Variants in GABRB1 observed in about 807,000 individuals in gnomAD.
The protein encoded by GABRB1 is gamma-aminobutyric acid type A receptor subunit beta1.
In GABRB1, 17 loss-of-function variants were observed where a neutral mutation model predicts 51.6. The observed-to-expected ratio is 0.33, with a 90% CI of 0.23 to 0.49. The LOEUF (loss-of-function observed/expected upper bound fraction) is 0.49. GABRB1 is among the 20% of genes least tolerant of loss of function. The pLI, the probability that GABRB1 is intolerant of heterozygous loss-of-function variation, is 0.99. For synonymous variants in GABRB1, 247 were observed against 218.9 expected, an observed-to-expected ratio of 1.13 and a Z score of -1.14; for missense variants, 410 against 600.6, an observed-to-expected ratio of 0.68 and a Z score of 3.32.
At chr4:47,109,850 C>T (rs1417247236) in intron 3 of GABRB1, among the ~76,000 whole-genome samples, 1 of 151,848 alleles carries the variant, frequency 6.6e-6, no homozygotes, top group African/African-American at 2.4e-5. Flanking sequence ...AGAATTAAAC[C>T]AGAACTTTAG....
At chr4:47,044,450 A>G (rs762453494) in intron 3 of GABRB1, among the ~76,000 whole-genome samples, 11 of 151,988 alleles carry the variant, frequency 7.2e-5, no homozygotes, top group Non-Finnish European at 1.6e-4. Context: ...TTGTATCCTA[A>G]TTTATACTCT....
chr4:47,140,625 A>G (rs938692748), intron 3 of GABRB1, among the ~76,000 whole-genome samples: 14 of 152,114 alleles, frequency 9.2e-5, no homozygotes, highest in Admixed American at 5.3e-4. Context: ...ACTTAGCTCC[A>G]ACATTCCATA....
upstream of GABRB1, among the ~76,000 whole-genome samples, chr4:47,028,731 T>C (rs1010787346): frequency 1.3e-5 from 2 of 150,682 alleles, no homozygotes; most frequent in Non-Finnish European, 3.0e-5. Flanking sequence ...TATGTGTATA[T>C]ATATACATAC....
chr4:47,022,045 C>T (rs1390103240), intron 1 of GABRB1, among the ~76,000 whole-genome samples: 1 of 152,046 alleles, frequency 6.6e-6, no homozygotes, highest in Non-Finnish European at 1.5e-5. Flanking sequence ...TCCTCTAACT[C>T]ATAATTAGTT....
At chr4:47,278,671 T>C (rs1295560020) in intron 4 of GABRB1, among the ~76,000 whole-genome samples, 3 of 152,154 alleles carry the variant, frequency 2.0e-5, no homozygotes, top group African/African-American at 7.2e-5. Context: ...CTGCTGATCA[T>C]ACGTTTCCAT....
intron 3 of GABRB1, among the ~76,000 whole-genome samples, chr4:47,050,298 T>C (rs926722581): frequency 7.2e-5 from 11 of 152,144 alleles, no homozygotes; most frequent in Admixed American, 2.0e-4. Context: ...ATATATAATT[T>C]CAGAGTGACT....
At position 47,406,893 on chromosome 4, in the gene GABRB1, T is replaced by G. The variant is rs1490764563; in HGVS notation, c.1047T>G (p.Asn349Lys). The change falls in exon 8 of 9, where the codon AAT (asparagine) becomes AAG (lysine). Residue 349 changes from asparagine to lysine, a missense_variant. Around this residue, in one of 5 missense-constraint regions of GABRB1, gnomAD observed 181 missense variants for 195.6 expected, o/e 0.93. Coordinates refer to ENST00000295454, the MANE Select transcript of GABRB1 (RefSeq NM_000812.4). ...CTAGCAAACAAGACCAGAGTGCCAA[T>G]GAGAAGAATAAACTGGAGATGAATA... ...KGASKQDQSA[N>K]EKNKLEMNKV... The G allele has an allele frequency of 6.2e-7, 1 of 1,614,022 alleles. No homozygotes were observed. Among genetic ancestry groups the G allele is most frequent in the Admixed American group, 1.7e-5 (1 of 60,016 alleles).
At chr4:47,283,023 C>A (rs900695170) in intron 4 of GABRB1, among the ~76,000 whole-genome samples, 1 of 152,110 alleles carries the variant, frequency 6.6e-6, no homozygotes, top group African/African-American at 2.4e-5. Context: ...GTAGCTAGAA[C>A]AGGAGGTATG....
At position 47,382,038 on chromosome 4, in the gene GABRB1, T is replaced by C. The variant is rs541454375; in HGVS notation, c.545-21280T>C. Among the ~76,000 whole-genome samples, 10 of 152,304 alleles carry C rather than the reference T, an allele frequency of 6.6e-5. No individual in the cohort carries two copies. The East Asian group carries it at 1.5e-3, about 24-fold the overall frequency. ...CTTGGATTATAGTGAAGAAATTCTA[T>C]TGTGACTGAATTACAAAACGATTTT... On this transcript the variant is annotated intron_variant, in intron 5 of 8. Transcript: ENST00000295454.
chr4:47,422,090 A>G (rs916657337), intron 8 of GABRB1, among the ~76,000 whole-genome samples: 1 of 152,066 alleles, frequency 6.6e-6, no homozygotes, highest in Non-Finnish European at 1.5e-5. Flanking sequence ...CATTATTCTC[A>G]ATGACCTTCA....
intron 3 of GABRB1, among the ~76,000 whole-genome samples, chr4:47,121,967 C>T (rs35262963): frequency 0.29 from 43,361 of 151,038 alleles, 6,626 homozygotes; most frequent in African/African-American, 0.4. Context: ...GCATGATCTT[C>T]TTGTGAACAT....
intron 5 of GABRB1, among the ~76,000 whole-genome samples, chr4:47,355,284 T>A (rs1401162450): frequency 6.6e-6 from 1 of 152,066 alleles, no homozygotes; most frequent in Non-Finnish European, 1.5e-5. Context: ...CATGGCCTAG[T>A]CATATCATCT....
At position 46,996,735 on chromosome 4, in the gene GABRB1, G is replaced by T. The variant is rs527934578; in HGVS notation, c.-20+2809G>T. On this transcript the variant is annotated intron_variant, in intron 1 of 3. Transcript: ENST00000513567. ...GTTTCTATAGACTGTCATGTAGATT[G>T]TAAGTCTCTTGCAGGTACTTGGTCC... Among the ~76,000 whole-genome samples the T allele has an allele frequency of 4.6e-5, 7 of 152,258 alleles. No individual in the cohort carries two copies. In the East Asian group the frequency reaches 1.4e-3, roughly 29 times the overall value.
chr4:47,394,124 C>T (rs1728099923), intron 5 of GABRB1, among the ~76,000 whole-genome samples: 3 of 152,190 alleles, frequency 2.0e-5, no homozygotes, highest in East Asian at 1.9e-4. Flanking sequence ...AAAGTAAGCA[C>T]GCCAGCATCA....
At chr4:47,220,640 C>T (rs1200080302) in intron 4 of GABRB1, among the ~76,000 whole-genome samples, 1 of 151,996 alleles carries the variant, frequency 6.6e-6, no homozygotes, top group African/African-American at 2.4e-5. Context: ...AGTGGCATCA[C>T]CAGCCTGCTA....
chr4:47,057,362 A>G (rs1726658908), intron 3 of GABRB1, among the ~76,000 whole-genome samples: 1 of 152,224 alleles, frequency 6.6e-6, no homozygotes, highest in African/African-American at 2.4e-5. Flanking sequence ...TTGAATTTTG[A>G]TTAATATTAT....
At chr4:47,268,440 G>C (rs989097961) in intron 4 of GABRB1, among the ~76,000 whole-genome samples, 1 of 152,114 alleles carries the variant, frequency 6.6e-6, no homozygotes. Flanking sequence ...AAGGGTAGGG[G>C]ATGCTTTATT....
At chr4:47,084,858 A>C (rs1005009088) in intron 3 of GABRB1, among the ~76,000 whole-genome samples, 1 of 152,208 alleles carries the variant, frequency 6.6e-6, no homozygotes, top group African/African-American at 2.4e-5. Flanking sequence ...TGGCCCATGC[A>C]CTGGGTTTAC....
chr4:47,086,729 G>A (rs2109578059), intron 3 of GABRB1, among the ~76,000 whole-genome samples: 1 of 152,280 alleles, frequency 6.6e-6, no homozygotes, highest in East Asian at 1.9e-4. Flanking sequence ...CTCCACCTGT[G>A]TCAGAGAATG....
Sources: gnomAD v4.1 joint callset for allele counts (sites outside exome capture counted in the v4.1 genomes callset) on GRCh38, gnomAD v4.1.1 for gene constraint, gnomAD v4.1.1 regional missense constraint, MANE v1.5 for transcripts, NCBI Gene and HGNC (gene_info 2026-07-23, HGNC 2026-07-21) for gene names.